Variants in LIPE observed in about 807,000 individuals in gnomAD.
The protein encoded by LIPE is hormone-sensitive lipase.
In LIPE, 66 loss-of-function variants were observed where a neutral mutation model predicts 88.5. The observed-to-expected ratio is 0.75, with a 90% confidence interval of 0.61 to 0.91. The LOEUF (loss-of-function observed/expected upper bound fraction) is 0.91. Ranked by LOEUF, LIPE falls within the 40% of genes least tolerant of loss-of-function variation. The pLI is 0.00. For missense variants in LIPE, 1,346 were observed against 1,434.7 expected, an observed-to-expected ratio of 0.94 and a Z score of 1.00; for synonymous variants, 570 against 617.5, an observed-to-expected ratio of 0.92 and a Z score of 1.14.
chr19:42,404,157 C>A (rs1241564481), intron 8 of LIPE, among the ~76,000 whole-genome samples: 1 of 151,224 alleles, frequency 6.6e-6, no homozygotes, highest in Non-Finnish European at 1.5e-5. Flanking sequence ...CTCTGCCTCC[C>A]GGGTTCAAGC....
chr19:42,404,054 T>C (rs1470283247), intron 8 of LIPE, among the ~76,000 whole-genome samples: 2 of 151,900 alleles, frequency 1.3e-5, no homozygotes, highest in African/African-American at 4.8e-5. Context: ...TGCTACAGTT[T>C]TAGTTTTTTA....
chr19:42,424,125 C>T, intron 1 of LIPE: 2 of 1,198,160 alleles, frequency 1.7e-6, no homozygotes, highest in Middle Eastern at 3.5e-4. Context: ...CTCCTGTCTC[C>T]TAGTTCTCCT....
chr19:42,403,042 G>A lies in LIPE; in HGVS notation c.2543-11C>T, dbSNP rs1297847128. 6.5e-7 allele frequency: 1 copy of A among 1,536,008 alleles called. No individual in the cohort carries two copies. The highest frequency in any genetic ancestry group is 2.3e-5 in the East Asian group (1 of 43,764). On this transcript the variant is annotated splice_polypyrimidine_tract_variant and intron_variant, in intron 8 of 9. Coordinates refer to ENST00000244289, the MANE Select transcript of LIPE (RefSeq NM_005357.4). ...TGCGGCGCATCGGCTCTGAGAGAGG[G>A]AGAGCAGATAGGCCTGGCTCCGTTA...
Position 42,426,785 on chromosome 19 carries a change from T to C in LIPE, c.365A>G (p.Glu122Gly). ...TGCTGGCTCCTGTTGAGTTATAGAT[T>C]CTTTTCCTAGCCCAGGTCCCTGCTG... ...ASQQGPGLGK[E>G]SITQQEPALR... is the part of the protein sequence containing the mutation. The change falls in exon 1 of 10, where the codon GAA (glutamate) becomes GGA (glycine). Residue 122 changes from glutamate (E) to glycine (G), a missense_variant. Transcript: ENST00000244289. 2 of 1,613,978 alleles carry C rather than the reference T, an allele frequency of 1.2e-6. No homozygotes were observed. The highest frequency in any genetic ancestry group is 1.7e-6 in the Non-Finnish European group (2 of 1,179,980).
Position 42,426,870 on chromosome 19 carries a change from C to T in LIPE, c.280G>A (p.Ala94Thr), listed in dbSNP as rs145456377. Residue 94 changes from alanine to threonine, a missense_variant, in exon 1 of 10, where the codon GCA becomes ACA. Transcript: ENST00000244289. ...TGGATGTAAGGTGATTGCTGTGGTG[C>T]GGGCTTCTGTGGGGCAAGAAATTCC... Reference protein sequence around the residue: ...QEEFLAPQKPAPQQSPYIQRV... With the variant: ...QEEFLAPQKPTPQQSPYIQRV... 1.5e-3 allele frequency: 2,421 copies of T among 1,614,124 alleles called. 14 individuals are homozygous for T. In the Middle Eastern group the frequency reaches 0.029, roughly 20 times the overall value.
chr19:42,418,002 A>C (rs1194647415), intron 1 of LIPE, among the ~76,000 whole-genome samples: 2 of 145,082 alleles, frequency 1.4e-5, no homozygotes. Context: ...TTTTTTTTTG[A>C]GACAAGTTTC....
At chr19:42,423,589 C>T (rs534369020) in intron 1 of LIPE, 3 of 1,212,770 alleles carry the variant, frequency 2.5e-6, no homozygotes, top group African/African-American at 1.6e-5. Context: ...AGGCCCTGCC[C>T]GGAGGGCCAA....
At chr19:42,415,128 A>G (rs2040461465) in intron 1 of LIPE, among the ~76,000 whole-genome samples, 1 of 152,100 alleles carries the variant, frequency 6.6e-6, no homozygotes, top group Non-Finnish European at 1.5e-5. Flanking sequence ...GCTACTCGGG[A>G]GGCTGAGGCA....
intron 1 of LIPE, chr19:42,424,265 GC>G (rs747453431): frequency 1.3e-4 from 65 of 513,490 alleles, no homozygotes; most frequent in Non-Finnish European, 2.2e-4. Context: ...CCGCGGGCCG[GC>G]CCAAGAGCGG....
At chr19:42,424,253 G>A (rs906623321) in intron 1 of LIPE, 7 of 564,430 alleles carry the variant, frequency 1.2e-5, no homozygotes, top group Admixed American at 4.7e-5. Context: ...ACTAGCTTCA[G>A]GCCGCGGGCC....
At chr19:42,402,586 C>T (rs966484662) in intron 9 of LIPE, 21 bp downstream of exon 9, 2 of 1,472,810 alleles carry the variant, frequency 1.4e-6, no homozygotes, top group Non-Finnish European at 1.8e-6. Flanking sequence ...TGCACCTGTA[C>T]CGGCCCCCTC....
chr19:42,424,363 T>A (rs2040667227), intron 1 of LIPE: 1 of 456,744 alleles, frequency 2.2e-6, no homozygotes, highest in Non-Finnish European at 4.4e-6. Context: ...CAACTGCTTC[T>A]GGACCGCCTT....
Position 42,427,074 on chromosome 19 carries a change from C to T in LIPE, c.76G>A (p.Glu26Lys), listed in dbSNP as rs768372490. 2.5e-6 allele frequency: 4 copies of T among 1,614,154 alleles called. No individual in the cohort carries two copies. Among genetic ancestry groups the T allele is most frequent in the East Asian group, 2.2e-5 (1 of 44,886 alleles). Residue 26 changes from glutamate (E) to lysine (K), a missense_variant, in exon 1 of 10, where the codon GAG becomes AAG. By Grantham distance (56) the Glu-to-Lys change is moderately conservative (BLOSUM62 1). Coordinates refer to ENST00000244289, the MANE Select transcript of LIPE (RefSeq NM_005357.4). ...EPHQRPITPL[E>K]PGPEKTPIAQ... ...ATGGGTGTCTTTTCTGGCCCAGGCT[C>T]TAGCGGGGTTATAGGCCTCTGGTGT... is the stretch of plus-strand genomic sequence containing the variant.
At chr19:42,424,423 C>T (rs1307855680) in intron 1 of LIPE, 1 of 456,334 alleles carries the variant, frequency 2.2e-6, no homozygotes, top group Non-Finnish European at 4.4e-6. Context: ...AAGGCAACCT[C>T]GCCCGCCGCG....
intron 1 of LIPE, chr19:42,424,525 C>A: frequency 4.4e-6 from 2 of 456,332 alleles, no homozygotes; most frequent in Non-Finnish European, 8.8e-6. Context: ...AGGCCTCAAT[C>A]CCTGCCTTTG....
chr19:42,403,097 T>A (rs1266036539), intron 8 of LIPE, 66 bp from the exon 9 acceptor site: 1 of 1,451,092 alleles, frequency 6.9e-7, no homozygotes, highest in Non-Finnish European at 9.2e-7. Flanking sequence ...TGGCAGGGAA[T>A]GCCATGGGAA....
At chr19:42,413,403 C>T (rs1470205084) in intron 1 of LIPE, among the ~76,000 whole-genome samples, 2 of 152,188 alleles carry the variant, frequency 1.3e-5, no homozygotes, top group Admixed American at 6.5e-5. Flanking sequence ...TGGTGGCTCA[C>T]GCCTGTAATC....
rs538468287 is a variant in LIPE, at chr19:42,402,175, A to G, written c.2968-100T>C. The G allele has an allele frequency of 3.4e-5, 41 of 1,194,534 alleles. No homozygotes were observed. The East Asian group carries it at 1.2e-3, about 34-fold the overall frequency. The allele number at this position is 1,194,534 out of a possible 1,614,324, so 74.0% of individuals were successfully genotyped here. Reference sequence around the variant, plus strand: ...GTTTGATGAACAAAGGGAGCGGGAAATACGGATACAGACGGAGTGGACGGA... The same window carrying G: ...GTTTGATGAACAAAGGGAGCGGGAAGTACGGATACAGACGGAGTGGACGGA... On this transcript the variant is annotated intron_variant, in intron 9 of 9. Transcript: ENST00000244289.
At chr19:42,423,875 G>A in intron 1 of LIPE, 5 of 1,129,660 alleles carry the variant, frequency 4.4e-6, no homozygotes, top group Non-Finnish European at 5.5e-6. Flanking sequence ...ATCTTCCCAC[G>A]TGCTGGGAAG....
Sources: allele counts gnomAD v4.1 joint callset (sites outside exome capture counted in the v4.1 genomes callset), GRCh38; gene constraint gnomAD v4.1.1; transcripts MANE v1.5; gene names NCBI Gene and HGNC (gene_info 2026-07-23, HGNC 2026-07-21).